The following ANKFN1 variants were observed in gnomAD, a reference collection of about 807,000 sequenced individuals.
The protein encoded by ANKFN1 is ankyrin repeat and fibronectin type-III domain-containing protein 1.
A neutral mutation model predicts 108.7 loss-of-function variants in ANKFN1; 74 were observed. The ratio of observed to expected loss-of-function variants is 0.68; its 90% CI spans 0.56 to 0.83. ANKFN1 has a LOEUF of 0.83. ANKFN1 is among the 40% of genes least tolerant of loss of function. The pLI is 0.00. For synonymous variants in ANKFN1, 547 were observed against 516.2 expected (o/e 1.06, Z -0.81); for missense variants, 1,505 against 1,382.3 (o/e 1.09, Z -1.41).
intron 8 of ANKFN1, among the ~76,000 whole-genome samples, chr17:56,409,522 CA>C (rs1258188481): frequency 6.6e-6 from 1 of 152,162 alleles, no homozygotes; most frequent in Non-Finnish European, 1.5e-5. Flanking sequence ...AGTTGAAGAA[CA>C]TCTCATACTA....
intron 15 of ANKFN1, among the ~76,000 whole-genome samples, chr17:56,467,786 AG>A: frequency 9.8e-6 from 1 of 101,986 alleles, no homozygotes; most frequent in African/African-American, 6.5e-5. Context: ...AAAGAAAGAA[AG>A]AAAGAAGAAA....
chr17:56,254,458 TTG>T (rs1230309559), intron 3 of ANKFN1, among the ~76,000 whole-genome samples: 2 of 152,198 alleles, frequency 1.3e-5, no homozygotes, highest in Non-Finnish European at 2.9e-5. Context: ...TTACCAGATT[TTG>T]TGAATGACTG....
intron 8 of ANKFN1, among the ~76,000 whole-genome samples, chr17:56,426,843 C>T (rs2048586384): frequency 6.6e-6 from 1 of 152,192 alleles, no homozygotes; most frequent in South Asian, 2.1e-4. Flanking sequence ...CAACATCAGC[C>T]AGTCTGATCA....
chr17:56,068,666 C>G (rs1905088104), intron 4 of ANKFN1, among the ~76,000 whole-genome samples: 1 of 152,190 alleles, frequency 6.6e-6, no homozygotes. Context: ...TCTCAAGACT[C>G]CTTAGCAGCA....
chr17:56,186,757 G>A (rs1199575666), intron 1 of ANKFN1, among the ~76,000 whole-genome samples: 1 of 152,208 alleles, frequency 6.6e-6, no homozygotes, highest in Non-Finnish European at 1.5e-5. Context: ...TGAGGAACTA[G>A]TGTATGGCAT....
chr17:56,438,923 G>T (rs958898057), intron 8 of ANKFN1, among the ~76,000 whole-genome samples: 18 of 152,146 alleles, frequency 1.2e-4, no homozygotes, highest in African/African-American at 4.3e-4. Flanking sequence ...AGGAGAAGGG[G>T]CAAAACCAGG....
At chr17:56,054,445 G>A (rs577877309) in intron 4 of ANKFN1, among the ~76,000 whole-genome samples, 1 of 152,302 alleles carries the variant, frequency 6.6e-6, no homozygotes, top group South Asian at 2.1e-4. Flanking sequence ...CAGAGACATT[G>A]CGGGTTTGGT....
intron 8 of ANKFN1, among the ~76,000 whole-genome samples, chr17:56,391,695 G>T (rs1317391993): frequency 6.6e-6 from 1 of 151,898 alleles, no homozygotes; most frequent in African/African-American, 2.4e-5. Flanking sequence ...CAAAGTGCTG[G>T]GATTACAGGC....
chr17:56,080,498 T>C (rs1671061755), intron 4 of ANKFN1, among the ~76,000 whole-genome samples: 1 of 152,350 alleles, frequency 6.6e-6, no homozygotes, highest in South Asian at 2.1e-4. Context: ...GAGAAGCTTG[T>C]CCAAGATAAT....
At chr17:56,121,956 G>C (rs976991651) in intron 4 of ANKFN1, among the ~76,000 whole-genome samples, 1 of 152,156 alleles carries the variant, frequency 6.6e-6, no homozygotes, top group African/African-American at 2.4e-5. Context: ...GGGTTGCTGG[G>C]GGGAGGTAGT....
rs187448428 is a variant in ANKFN1, at chr17:56,463,434, A to G, written c.1558-2922A>G. 4.5e-3 allele frequency among the ~76,000 whole-genome samples: 687 copies of G among 152,324 alleles called. 4 individuals carry two copies. The highest frequency in any genetic ancestry group is 0.011 in the South Asian group (52 of 4,832). ...TTAAAGAGAAAAAATTATTCATATT[A>G]TAGTAAAAAAGAAAAAGAAGTCTAT... On this transcript the variant is annotated intron_variant, in intron 14 of 20. Coordinates refer to ENST00000682825, the MANE Select transcript of ANKFN1 (RefSeq NM_001370326.1).
chr17:56,173,793 T>C (rs9915895), intron 1 of ANKFN1, among the ~76,000 whole-genome samples: 2,401 of 152,308 alleles, frequency 0.016, 54 homozygotes, highest in African/African-American at 0.055. Context: ...ACTACTGTAC[T>C]GTCTCTCCAA....
At chr17:56,048,509 G>T (rs899930416) in intron 4 of ANKFN1, among the ~76,000 whole-genome samples, 5 of 151,882 alleles carry the variant, frequency 3.3e-5, no homozygotes, top group Admixed American at 2.0e-4. Context: ...ATTAGGAGCT[G>T]TAAAATTATA....
intron 3 of ANKFN1, among the ~76,000 whole-genome samples, chr17:56,315,969 C>T (rs1300842380): frequency 2.0e-5 from 3 of 152,148 alleles, no homozygotes; most frequent in African/African-American, 7.2e-5. Flanking sequence ...TTTTGTTTTT[C>T]CTCCTCTGTT....
chr17:56,071,526 A>T (rs1031785635), intron 4 of ANKFN1, among the ~76,000 whole-genome samples: 2 of 152,226 alleles, frequency 1.3e-5, no homozygotes, highest in Non-Finnish European at 2.9e-5. Context: ...CCTCCTTTAC[A>T]TATCAACTGG....
intron 6 of ANKFN1, among the ~76,000 whole-genome samples, chr17:56,365,889 A>G (rs2046648512): frequency 6.6e-6 from 1 of 152,188 alleles, no homozygotes; most frequent in South Asian, 2.1e-4. Flanking sequence ...TGTATTTACT[A>G]TACTTGTTAT....
At position 56,102,312 on chromosome 17, in the gene ANKFN1, G is replaced by A. The variant is rs367581942; in HGVS notation, c.288+55987G>A. On this transcript the variant is annotated intron_variant, in intron 4 of 12. Transcript: ENST00000635860. ...ACTATACGGTCAATTATAAATACTT[G>A]TATAATTGTCTATACTAGACTATAC... Among the ~76,000 whole-genome samples, 10 of 152,226 alleles carry A rather than the reference G, an allele frequency of 6.6e-5. No homozygotes were observed. The East Asian group carries it at 1.9e-3, about 29-fold the overall frequency.
chr17:56,142,430 A>G (rs1907982554), intron 4 of ANKFN1, among the ~76,000 whole-genome samples: 1 of 152,230 alleles, frequency 6.6e-6, no homozygotes, highest in South Asian at 2.1e-4. Context: ...CTGGCCCAAC[A>G]AAAGGTTCTT....
intron 18 of ANKFN1, among the ~76,000 whole-genome samples, chr17:56,486,596 T>G (rs1170731241): frequency 1.3e-5 from 2 of 152,164 alleles, no homozygotes; most frequent in Non-Finnish European, 2.9e-5. Flanking sequence ...CCTGCTACAG[T>G]GGTCCTAAGC....
Sources: gnomAD v4.1 joint callset for allele counts (sites outside exome capture counted in the v4.1 genomes callset) on GRCh38, gnomAD v4.1.1 for gene constraint, MANE v1.5 for transcripts, NCBI Gene and HGNC (gene_info 2026-07-23, HGNC 2026-07-21) for gene names.